The following SMC4 variants were observed in gnomAD, a reference collection of about 807,000 sequenced individuals.
SMC4 encodes structural maintenance of chromosomes protein 4.
Under a neutral mutation model 145.6 loss-of-function variants are expected in SMC4, and 87 were observed. The observed-to-expected ratio is 0.60, with a 90% CI of 0.50 to 0.71. The LOEUF (loss-of-function observed/expected upper bound fraction) is 0.71, where lower values mean the gene tolerates loss of function less well. Among genes scored for constraint, SMC4 ranks in the 30% least tolerant of loss-of-function variants. The probability of loss-of-function intolerance (pLI) is 0.00; values close to 1 mark genes in which losing one functional copy is unlikely to be tolerated. For synonymous variants in SMC4, 558 were observed against 500.7 expected (o/e 1.11, Z -1.53); for missense variants, 1,447 against 1,537.1 (o/e 0.94, Z 0.98).
Position 160,420,891 on chromosome 3 carries a change from G to A in SMC4, c.2009G>A (p.Gly670Asp). The A allele has an allele frequency of 6.2e-7, 1 of 1,604,684 alleles. No individual in the cohort carries two copies. The highest frequency in any genetic ancestry group is 1.7e-5 in the Admixed American group (1 of 58,112). The change falls in exon 13 of 24, where the codon GGT (glycine) becomes GAT (aspartate). Residue 670 changes from glycine (G) to aspartate (D), a missense_variant. By Grantham distance (94) the Gly-to-Asp change is moderately conservative (BLOSUM62 -1). Coordinates refer to ENST00000357388, the MANE Select transcript of SMC4 (RefSeq NM_001002800.3). ...RQNIGVATFI[G>D]LDKMAVWAKK... Reference sequence around the variant, plus strand: ...AATATTGGAGTTGCAACCTTTATAGGTTTAGATAAGGTGGGTATTCGTAAT... The same window carrying A: ...AATATTGGAGTTGCAACCTTTATAGATTTAGATAAGGTGGGTATTCGTAAT...
Position 160,428,993 on chromosome 3 carries a change from T to C in SMC4, c.2795+51T>C, listed in dbSNP as rs577030307. The C allele has an allele frequency of 2.9e-6, 4 of 1,398,230 alleles. No individual in the cohort carries two copies. The East Asian group carries it at 9.7e-5, about 34-fold the overall frequency. The allele number at this position is 1,398,230 out of a possible 1,614,324, so 86.6% of individuals were successfully genotyped here. ...TGTTTTCCCTTTCCCTGCCTTCACA[T>C]TGGAAAGGGGGTTACTATGTAATGT... On this transcript the variant is annotated intron_variant, in intron 18 of 23. Coordinates refer to ENST00000357388, the MANE Select transcript of SMC4 (RefSeq NM_001002800.3).
At position 160,428,900 on chromosome 3, in the gene SMC4, C is replaced by T. The variant is rs750230528; in HGVS notation, c.2753C>T (p.Ser918Phe). ...AATAAGCAATTAGATGAATGTGCTT[C>T]TGCTATTACTAAAGCCCAAGTAGCA... ...KINKQLDECASAITKAQVAIK... is the reference protein window; with the variant it reads ...KINKQLDECAFAITKAQVAIK... Residue 918 changes from serine to phenylalanine, a missense_variant, in exon 18 of 24, where the codon TCT (serine) becomes TTT (phenylalanine). By Grantham distance (155) the Ser-to-Phe change is radical (BLOSUM62 -2). Coordinates refer to ENST00000357388, the MANE Select transcript of SMC4 (RefSeq NM_001002800.3). 6.3e-7 allele frequency: 1 copy of T among 1,597,864 alleles called. No homozygotes were observed. The highest frequency in any genetic ancestry group is 8.5e-7 in the Non-Finnish European group (1 of 1,176,604).
chr3:160,434,511 C>CA lies in SMC4; in HGVS notation c.*702_*703insA. 1 of 152,058 alleles carries CA rather than the reference C, an allele frequency of 6.6e-6. No homozygotes were observed. The highest frequency in any genetic ancestry group is 1.9e-4 in the East Asian group (1 of 5,170). The allele number at this position is 152,058 out of a possible 1,614,324, so 9.4% of individuals were successfully genotyped here. On this transcript the variant is annotated 3_prime_UTR_variant, in exon 24 of 24. Transcript: ENST00000357388. ...TTTTCAACTTTATGATAGGTTTATC[C>CA]GGGTACTAAATGCATTTCAACTTGA...
At chr3:160,414,633 T>A in intron 9 of SMC4, 116 bp downstream of exon 9, 1 of 1,067,862 alleles carries the variant, frequency 9.4e-7, no homozygotes, top group Non-Finnish European at 1.4e-6. Flanking sequence ...AATGTTGTTT[T>A]AAGGTTTGTC....
intron 13 of SMC4, among the ~76,000 whole-genome samples, 184 bp from the exon 14 acceptor site, chr3:160,423,241 C>T (rs1317164312): frequency 3.3e-5 from 5 of 151,940 alleles, no homozygotes; most frequent in Non-Finnish European, 7.4e-5. Flanking sequence ...GGCATCTTAA[C>T]GGTATTAAAT....
rs148874830 is a variant in SMC4 at position 160,402,021 on chromosome 3, T to A, written c.246T>A (p.Leu82=). The A allele has an allele frequency of 1.7e-4, 269 of 1,600,290 alleles. No individual in the cohort carries two copies. Among genetic ancestry groups the A allele is most frequent in the Middle Eastern group, 1.7e-4 (1 of 6,046 alleles). ...CCAATGAAGCTGGAGCTCCTCGGCT[T>A]ATGATAACTCATATTGTAAACCAGA... ...AMTNEAGAPR[L]MITHIVNQNF... is the part of the protein sequence containing the mutation. The change falls in exon 3 of 24, where the codon CTT becomes CTA. Residue 82 remains leucine, a synonymous_variant. Transcript: ENST00000357388.
Position 160,402,740 on chromosome 3 carries a change from TTG to T in SMC4, c.387_388del (p.Phe130TrpfsTer10). 1 of 1,612,706 alleles carries T rather than the reference TTG, an allele frequency of 6.2e-7. No individual in the cohort carries two copies. Among genetic ancestry groups the T allele is most frequent in the Non-Finnish European group, 8.5e-7 (1 of 1,179,702 alleles). On this transcript the variant is annotated frameshift_variant, in exon 4 of 24. Transcript: ENST00000357388. LOFTEE classifies it high-confidence loss of function. ...TCCAATGTTATTGATTCTATGCTTTTTGTGTTTGGCTATCGAGCACAAAAAAT... is the reference window on the plus strand; with the variant it reads ...TCCAATGTTATTGATTCTATGCTTTTTGTTTGGCTATCGAGCACAAAAAAT...
intron 13 of SMC4, among the ~76,000 whole-genome samples, chr3:160,421,119 A>AT (rs1207626380): frequency 1.3e-5 from 2 of 151,842 alleles, no homozygotes; most frequent in African/African-American, 4.8e-5. Flanking sequence ...TTCAGTAGAG[A>AT]GGGGTTTCAC....
At chr3:160,411,068 T>G (rs1715943827) in intron 5 of SMC4, among the ~76,000 whole-genome samples, 2 of 152,220 alleles carry the variant, frequency 1.3e-5, no homozygotes, top group Non-Finnish European at 2.9e-5. Context: ...TCAAACTAAA[T>G]GACTGCCTAG....
chr3:160,419,399 C>T lies in SMC4; in HGVS notation c.1713C>T (p.Asn571=). ...AAAAACTTACACAAGAAGAAACAAA[C>T]TTTAAAAGTTTGGTTCATGATCTCT... ...ELQKLTQEET[N]FKSLVHDLFQ... is the part of the protein sequence containing the mutation. The change falls in exon 12 of 24, where the codon AAC becomes AAT. Residue 571 remains asparagine (N), a synonymous_variant. Coordinates refer to ENST00000357388, the MANE Select transcript of SMC4 (RefSeq NM_001002800.3). 6.2e-7 allele frequency: 1 copy of T among 1,603,254 alleles called. No individual in the cohort carries two copies. The highest frequency in any genetic ancestry group is 8.5e-7 in the Non-Finnish European group (1 of 1,177,370).
At chr3:160,402,552 G>T (rs1346006259) in intron 3 of SMC4, 124 bp from the exon 4 acceptor site, 1 of 955,304 alleles carries the variant, frequency 1.0e-6, no homozygotes, top group Non-Finnish European at 1.6e-6. Context: ...TTAGCAATGA[G>T]AACTTTTAAA....
In SMC4 at chr3:160,432,180, C is replaced by T. The variant is rs1718482577; in HGVS notation, c.3298-103C>T. 6.6e-6 allele frequency: 6 copies of T among 902,580 alleles called. No homozygotes were observed. The South Asian group carries it at 8.7e-5, about 13-fold the overall frequency. The allele number at this position is 902,580 out of a possible 1,614,324, so 55.9% of individuals were successfully genotyped here. A position where few individuals can be genotyped will look rare whatever the true frequency, so the allele number is the denominator to read the frequency against. On this transcript the variant is annotated intron_variant, in intron 21 of 23. Transcript: ENST00000357388. ...TCGCGCCATTGCACTCCAGCCTGGG[C>T]GTCAGGGCAAGACTACGTCTCAAAA... is the stretch of plus-strand genomic sequence containing the variant.
intron 16 of SMC4, 111 bp downstream of exon 16, chr3:160,425,130 G>T: frequency 7.2e-7 from 1 of 1,398,164 alleles, no homozygotes; most frequent in African/African-American, 1.5e-5. Context: ...AATATATAAG[G>T]GAGGGAGGAT....
Position 160,420,700 on chromosome 3 carries a change from T to C in SMC4, c.1858-40T>C, listed in dbSNP as rs556302053. On this transcript the variant is annotated intron_variant, in intron 12 of 23. Transcript: ENST00000357388. ...TGATGAATGAAATGGTCCTGTGCTT[T>C]TCTGCCTAACTCTTTTTTCACCCCA... is the stretch of plus-strand genomic sequence containing the variant. The C allele has an allele frequency of 1.1e-5, 18 of 1,599,428 alleles. No homozygotes were observed. In the East Asian group the frequency reaches 3.8e-4, roughly 34 times the overall value.
intron 12 of SMC4, 95 bp downstream of exon 12, chr3:160,419,638 T>C: frequency 1.8e-6 from 2 of 1,113,834 alleles, no homozygotes; most frequent in East Asian, 5.1e-5. Context: ...CAAGTGTCAC[T>C]GTATATAAAA....
intron 13 of SMC4, among the ~76,000 whole-genome samples, chr3:160,422,605 T>TA (rs1384470776): frequency 6.6e-6 from 1 of 152,198 alleles, no homozygotes; most frequent in Non-Finnish European, 1.5e-5. Context: ...GATTTACAGA[T>TA]ATTTTACCCC....
chr3:160,428,649 T>G (rs1718054102), intron 17 of SMC4, 104 bp from the exon 18 acceptor site: 4 of 1,053,592 alleles, frequency 3.8e-6, no homozygotes, highest in East Asian at 2.8e-5. Flanking sequence ...AAAATTTGTT[T>G]TAATGCATCA....
At chr3:160,427,872 A>T (rs1717963837) in intron 17 of SMC4, among the ~76,000 whole-genome samples, 1 of 152,192 alleles carries the variant, frequency 6.6e-6, no homozygotes. Flanking sequence ...AGATCACTTG[A>T]GATCAGGAGT....
At chr3:160,430,550 A>AG in intron 18 of SMC4, 49 bp from the exon 19 acceptor site, 1 of 1,457,144 alleles carries the variant, frequency 6.9e-7, no homozygotes, top group African/African-American at 1.4e-5. Flanking sequence ...TTCAGAAACA[A>AG]TAACAAATCA....
Sources: gnomAD v4.1 joint callset for allele counts (sites outside exome capture counted in the v4.1 genomes callset) on GRCh38, gnomAD v4.1.1 for gene constraint, MANE v1.5 for transcripts, NCBI Gene and HGNC (gene_info 2026-07-23, HGNC 2026-07-21) for gene names.